FGR: variants seen among roughly 807,000 people sequenced by gnomAD.
FGR encodes the protein tyrosine-protein kinase Fgr.
A neutral mutation model predicts 63.2 loss-of-function variants in FGR; 26 were observed. The ratio of observed to expected loss-of-function variants is 0.41; its 90% CI spans 0.30 to 0.57. FGR has a LOEUF of 0.57. Ranked by LOEUF, FGR falls within the 20% of genes least tolerant of loss-of-function variation. The probability of loss-of-function intolerance (pLI) is 0.27; values close to 1 mark genes in which losing one functional copy is unlikely to be tolerated. For synonymous variants in FGR, 286 were observed against 277.7 expected (o/e 1.03, Z -0.30); for missense variants, 511 against 690.8 (o/e 0.74, Z 2.92).
intron 1 of FGR, among the ~76,000 whole-genome samples, chr1:27,628,336 A>C (rs924116086): frequency 6.6e-6 from 1 of 152,086 alleles, no homozygotes; most frequent in African/African-American, 2.4e-5. Flanking sequence ...CAGCATAGTG[A>C]AACTCTGTCT....
chr1:27,631,272 C>T (rs2090100695), intron 1 of FGR, among the ~76,000 whole-genome samples: 1 of 152,202 alleles, frequency 6.6e-6, no homozygotes, highest in Admixed American at 6.5e-5. Flanking sequence ...GTCGAACACA[C>T]CACCCCTGTC....
intron 5 of FGR, among the ~76,000 whole-genome samples, chr1:27,618,653 C>T (rs771410099): frequency 5.3e-5 from 8 of 152,108 alleles, no homozygotes; most frequent in Non-Finnish European, 8.8e-5. Context: ...TGGGCCTCAC[C>T]GCACTTGACC....
intron 1 of FGR, among the ~76,000 whole-genome samples, chr1:27,625,679 G>A (rs1207030502): frequency 6.6e-6 from 1 of 152,168 alleles, no homozygotes; most frequent in African/African-American, 2.4e-5. Context: ...AGTGGCTCAC[G>A]CCTATAATCC....
At position 27,616,902 on chromosome 1, in the gene FGR, G is replaced by C; in HGVS notation, c.637C>G (p.Arg213Gly). The C allele has an allele frequency of 6.2e-7, 1 of 1,614,190 alleles. No individual in the cohort carries two copies. The highest frequency in any genetic ancestry group is 8.5e-7 in the Non-Finnish European group (1 of 1,180,028). The change falls in exon 7 of 13, where the codon CGG becomes GGG. Residue 213 changes from arginine (R) to glycine (G), a missense_variant. Transcript: ENST00000374005. This position sits in a 1 kb window ranked among gnomAD's most constrained non-coding sequence, Gnocchi z 4.3. ...LDMGGYYITT[R>G]VQFNSVQELV... ...TCCTGCACCGAGTTGAACTGAACCC[G>C]TGTGGTGATGTAGTAGCCGCCCATG...
At chr1:27,624,565 G>T (rs1328287815) in intron 2 of FGR, among the ~76,000 whole-genome samples, 1 of 152,180 alleles carries the variant, frequency 6.6e-6, no homozygotes. Context: ...GTATGCATGT[G>T]TGTGCAGCTC....
chr1:27,624,956 T>G (rs1288282187), intron 2 of FGR, 133 bp downstream of exon 2: 1 of 152,608 alleles, frequency 6.6e-6, no homozygotes, highest in African/African-American at 2.4e-5. Flanking sequence ...AGCTGCCTCA[T>G]TCTGGCTCCC....
intron 1 of FGR, among the ~76,000 whole-genome samples, chr1:27,634,321 C>G (rs3737801): frequency 0.17 from 25,655 of 152,078 alleles, 3,513 homozygotes; most frequent in African/African-American, 0.36. Context: ...AGGGGGCGCC[C>G]GGAGAGGCCT....
chr1:27,619,799 C>G (rs763457264), intron 5 of FGR, among the ~76,000 whole-genome samples: 2 of 152,192 alleles, frequency 1.3e-5, no homozygotes, highest in African/African-American at 2.4e-5. Context: ...GTGTTTCCCG[C>G]CTTAGCAAAT....
intron 1 of FGR, chr1:27,626,050 G>A (rs1240045135): frequency 7.5e-6 from 3 of 398,654 alleles, no homozygotes; most frequent in East Asian, 7.1e-5. Context: ...ACCTACCTCC[G>A]GAGCTCTCCT....
chr1:27,632,428 G>A (rs1258805123), intron 1 of FGR, among the ~76,000 whole-genome samples: 1 of 151,986 alleles, frequency 6.6e-6, no homozygotes, highest in Non-Finnish European at 1.5e-5. Context: ...GTGAGCCACC[G>A]TGCCCTGCCT....
chr1:27,625,867 A>T (rs1220099922), intron 1 of FGR, among the ~76,000 whole-genome samples: 1 of 152,220 alleles, frequency 6.6e-6, no homozygotes, highest in Non-Finnish European at 1.5e-5. Context: ...TGAACCTGGG[A>T]GGTGGAGCTT....
intron 5 of FGR, among the ~76,000 whole-genome samples, chr1:27,619,016 T>TGAAGCTTCTCCGCTCTCTC (rs1452917497): frequency 1.2e-4 from 18 of 152,232 alleles, no homozygotes; most frequent in African/African-American, 4.1e-4. Flanking sequence ...TCTTGTTTCC[T>TGAAGCTTCTCCGCTCTCTC]GAAGCTTCTC....
At chr1:27,614,682 G>A in intron 10 of FGR, 99 bp from the exon 11 acceptor site, 2 of 1,454,922 alleles carry the variant, frequency 1.4e-6, no homozygotes, top group Non-Finnish European at 1.9e-6. Flanking sequence ...CCACTTTCCA[G>A]AGGGGGAGAC....
At chr1:27,623,972 G>A in intron 2 of FGR, 43 bp from the exon 3 acceptor site, 1 of 1,485,882 alleles carries the variant, frequency 6.7e-7, no homozygotes, top group Non-Finnish European at 9.1e-7. Context: ...CCTGCCAGGT[G>A]CACCACCCTG....
Position 27,617,055 on chromosome 1 carries a change from G to A in FGR, c.533-49C>T, listed in dbSNP as rs1281540340. 6.2e-7 allele frequency: 1 copy of A among 1,610,322 alleles called. No homozygotes were observed. The highest frequency in any genetic ancestry group is 1.3e-5 in the African/African-American group (1 of 74,832). On this transcript the variant is annotated intron_variant, in intron 6 of 12. Coordinates refer to ENST00000374005, the MANE Select transcript of FGR (RefSeq NM_005248.3). This position sits in a 1 kb window ranked among gnomAD's most constrained non-coding sequence, Gnocchi z 4.5. Reference sequence around the variant, plus strand: ...CTGCTGTTCTCCTCTGCCCTAGTCTGGGAGCTGGGAGAGGCCCGACAGCAG... The same window carrying A: ...CTGCTGTTCTCCTCTGCCCTAGTCTAGGAGCTGGGAGAGGCCCGACAGCAG...
chr1:27,621,479 G>A lies in FGR; in HGVS notation c.428+80C>T. 7 of 971,082 alleles carry A rather than the reference G, an allele frequency of 7.2e-6. No homozygotes were observed. In the South Asian group the frequency reaches 9.1e-5, roughly 13 times the overall value. The allele number at this position is 971,082 out of a possible 1,614,324, so 60.2% of individuals were successfully genotyped here. A position where few individuals can be genotyped will look rare whatever the true frequency, so the allele number is the denominator to read the frequency against. On this transcript the variant is annotated intron_variant, in intron 5 of 12. Coordinates refer to ENST00000374005, the MANE Select transcript of FGR (RefSeq NM_005248.3). ...GGAGACAGGCTCGGACTGGAGCAATGACTTGTCCAAGAGGTGGCCTTGGAG... is the reference window on the plus strand; with the variant it reads ...GGAGACAGGCTCGGACTGGAGCAATAACTTGTCCAAGAGGTGGCCTTGGAG...
intron 1 of FGR, among the ~76,000 whole-genome samples, chr1:27,625,756 T>A (rs1004935893): frequency 6.6e-6 from 1 of 151,980 alleles, no homozygotes; most frequent in African/African-American, 2.4e-5. Context: ...CTGGCCAATA[T>A]GGTGAAACCC....
At chr1:27,626,481 G>A (rs1042165051) in intron 1 of FGR, 2 of 308,394 alleles carry the variant, frequency 6.5e-6, no homozygotes, top group African/African-American at 4.3e-5. Context: ...AGTCTTCCTG[G>A]ATCCACCAGG....
intron 4 of FGR, among the ~76,000 whole-genome samples, chr1:27,622,742 G>A (rs2089953315): frequency 6.6e-6 from 1 of 152,170 alleles, no homozygotes; most frequent in Admixed American, 6.5e-5. Context: ...CTGACCTCAG[G>A]TGATCCACCC....
Sources: gnomAD v4.1 joint callset for allele counts (sites outside exome capture counted in the v4.1 genomes callset) on GRCh38, gnomAD v4.1.1 for gene constraint, Gnocchi (gnomAD v3.1) non-coding constraint, MANE v1.5 for transcripts, NCBI Gene and HGNC (gene_info 2026-07-23, HGNC 2026-07-21) for gene names.